Variants in DIAPH3 observed in about 807,000 individuals in gnomAD.
The protein encoded by DIAPH3 is protein diaphanous homolog 3.
DIAPH3 carries 117 observed loss-of-function variants against 144.3 expected under a neutral mutation model. That is an observed-to-expected ratio of 0.81 (90% confidence interval 0.70 to 0.95). The LOEUF (loss-of-function observed/expected upper bound fraction) is 0.95, where lower values mean the gene tolerates loss of function less well. Ranked by LOEUF, DIAPH3 falls within the 40% of genes least tolerant of loss-of-function variation. The probability of loss-of-function intolerance (pLI) is 0.00; values close to 1 mark genes in which losing one functional copy is unlikely to be tolerated. For missense variants in DIAPH3, 1,421 were observed against 1,412.7 expected (o/e 1.01, Z -0.09); for synonymous variants, 519 against 488.9 (o/e 1.06, Z -0.81).
intron 4 of DIAPH3, among the ~76,000 whole-genome samples, chr13:60,045,879 G>T (rs2056035577): frequency 6.6e-6 from 1 of 152,098 alleles, no homozygotes; most frequent in South Asian, 2.1e-4. Flanking sequence ...GAACAAAAGT[G>T]ATATTAAAAG....
rs1431339935 is a variant in DIAPH3, at chr13:60,023,942, G to A, written c.627-7797C>T. On this transcript the variant is annotated intron_variant, in intron 5 of 27. Coordinates refer to ENST00000400324, the MANE Select transcript of DIAPH3 (RefSeq NM_001042517.2). ...ACAATCTCAGCTCATTGCAACCTCC[G>A]CCTCCCGGGTTCACACCATTCTCCT... Among the ~76,000 whole-genome samples the A allele has an allele frequency of 4.1e-5, 5 of 121,302 alleles. No homozygotes were observed. In the Admixed American group the frequency reaches 4.6e-4, roughly 11 times the overall value. The allele number at this position is 121,302 out of a possible 152,430, so 79.6% of individuals were successfully genotyped here.
intron 17 of DIAPH3, among the ~76,000 whole-genome samples, chr13:59,961,046 T>C (rs2049726704): frequency 6.6e-6 from 1 of 152,182 alleles, no homozygotes; most frequent in Non-Finnish European, 1.5e-5. Flanking sequence ...AGTGTTACAG[T>C]AGTCTCCATA....
chr13:59,856,684 G>A (rs895866802), intron 22 of DIAPH3, among the ~76,000 whole-genome samples: 6 of 152,112 alleles, frequency 3.9e-5, no homozygotes, highest in Non-Finnish European at 7.4e-5. Flanking sequence ...TCCAAACATA[G>A]TCAAGTTCTG....
intron 20 of DIAPH3, among the ~76,000 whole-genome samples, chr13:59,897,146 T>C (rs371726986): frequency 6.6e-6 from 1 of 152,196 alleles, no homozygotes; most frequent in African/African-American, 2.4e-5. Flanking sequence ...GTAAGATTCT[T>C]ATTCAAGTGT....
chr13:60,069,777 G>C (rs954624830), intron 4 of DIAPH3, among the ~76,000 whole-genome samples: 1 of 152,146 alleles, frequency 6.6e-6, no homozygotes, highest in African/African-American at 2.4e-5. Flanking sequence ...TCAAAGATCA[G>C]ATGGTTACAG....
In DIAPH3 at chr13:59,992,846, GAAAA is replaced by G. The variant is rs200815478; in HGVS notation, c.1015-267_1015-264del. Among the ~76,000 whole-genome samples, 3 of 70,058 alleles carry G rather than the reference GAAAA, an allele frequency of 4.3e-5. No homozygotes were observed. The South Asian group carries it at 1.3e-3, about 30-fold the overall frequency. 46.0% of individuals were successfully genotyped at this position (70,058 alleles called of 152,430 possible). ...GTTACTACTGCTCCATAAAAAAATAGAAAAAAAAAAAAAAAAACACTTGTAACCA... is the reference window on the plus strand; with the variant it reads ...GTTACTACTGCTCCATAAAAAAATAGAAAAAAAAAAAAACACTTGTAACCA... On this transcript the variant is annotated intron_variant, in intron 9 of 27. Coordinates refer to ENST00000400324, the MANE Select transcript of DIAPH3 (RefSeq NM_001042517.2).
chr13:59,987,198 C>A (rs2140766760), intron 12 of DIAPH3, among the ~76,000 whole-genome samples: 2 of 151,818 alleles, frequency 1.3e-5, no homozygotes, highest in African/African-American at 4.8e-5. Context: ...AATTGGAAAT[C>A]ATCATTCTCA....
chr13:59,674,021 G>A (rs1281628618), intron 27 of DIAPH3, among the ~76,000 whole-genome samples: 2 of 152,174 alleles, frequency 1.3e-5, no homozygotes, highest in African/African-American at 4.8e-5. Context: ...TTGTAGCCAA[G>A]TGATCAAAAG....
chr13:59,671,129 A>C (rs1202219747), intron 27 of DIAPH3, among the ~76,000 whole-genome samples: 1 of 152,190 alleles, frequency 6.6e-6, no homozygotes, highest in Non-Finnish European at 1.5e-5. Flanking sequence ...CCATGCAAAA[A>C]CATGCACTTA....
At chr13:59,894,709 T>C (rs1447197030) in intron 20 of DIAPH3, among the ~76,000 whole-genome samples, 4 of 151,922 alleles carry the variant, frequency 2.6e-5, no homozygotes, top group African/African-American at 4.8e-5. Context: ...TTTTTGGAAA[T>C]TCTGGGTCAG....
At chr13:60,069,050 G>A (rs1040707415) in intron 4 of DIAPH3, among the ~76,000 whole-genome samples, 3 of 152,106 alleles carry the variant, frequency 2.0e-5, no homozygotes, top group South Asian at 2.1e-4. Context: ...GGTCTTTAAG[G>A]AAACACCATA....
intron 20 of DIAPH3, among the ~76,000 whole-genome samples, chr13:59,880,978 C>CAAAAAA (rs77481523): frequency 1.8e-3 from 119 of 64,446 alleles, no homozygotes; most frequent in Middle Eastern, 7.9e-3. Flanking sequence ...CAACAAGGAC[C>CAAAAAA]AAAAAAAAAA....
intron 4 of DIAPH3, among the ~76,000 whole-genome samples, chr13:60,080,447 A>G (rs1443277931): frequency 6.6e-6 from 1 of 151,916 alleles, no homozygotes; most frequent in Non-Finnish European, 1.5e-5. Context: ...TGGTTTCAGA[A>G]TTCACTTTCT....
intron 20 of DIAPH3, among the ~76,000 whole-genome samples, chr13:59,905,000 A>G (rs1182802078): frequency 6.6e-6 from 1 of 152,136 alleles, no homozygotes; most frequent in Admixed American, 6.5e-5. Context: ...AAGAAAAACA[A>G]TATTAATGAT....
At chr13:59,922,900 T>C (rs1939416801) in intron 18 of DIAPH3, among the ~76,000 whole-genome samples, 1 of 152,150 alleles carries the variant, frequency 6.6e-6, no homozygotes, top group South Asian at 2.1e-4. Context: ...CATTAAACTA[T>C]ATAAACATTA....
At chr13:60,143,640 T>G (rs1951377547) in intron 1 of DIAPH3, among the ~76,000 whole-genome samples, 1 of 152,200 alleles carries the variant, frequency 6.6e-6, no homozygotes, top group Non-Finnish European at 1.5e-5. Context: ...CAGTCTGTAA[T>G]CCATCTAAAT....
intron 18 of DIAPH3, among the ~76,000 whole-genome samples, chr13:59,918,944 C>CAAAAAAAAAA (rs34985752): frequency 2.6e-5 from 3 of 117,498 alleles, no homozygotes; most frequent in African/African-American, 6.7e-5. Context: ...CAAGAAAATA[C>CAAAAAAAAAA]AAAAAAAAAA....
chr13:59,887,122 AT>A (rs1320473021), intron 20 of DIAPH3, among the ~76,000 whole-genome samples: 1 of 152,044 alleles, frequency 6.6e-6, no homozygotes, highest in African/African-American at 2.4e-5. Flanking sequence ...ATTCTGTCAA[AT>A]GCGTCTTATT....
At chr13:60,146,138 A>G (rs1951509709) in intron 1 of DIAPH3, among the ~76,000 whole-genome samples, 1 of 152,242 alleles carries the variant, frequency 6.6e-6, no homozygotes, top group Admixed American at 6.5e-5. Flanking sequence ...AATGAAGAGC[A>G]CAATTCCAGT....
Sources: allele counts gnomAD v4.1 joint callset (sites outside exome capture counted in the v4.1 genomes callset), GRCh38; gene constraint gnomAD v4.1.1; transcripts MANE v1.5; gene names NCBI Gene and HGNC (gene_info 2026-07-23, HGNC 2026-07-21).